The following EPB41L5 variants were observed in gnomAD, a reference collection of about 807,000 sequenced individuals.
The protein encoded by EPB41L5 is band 4.1-like protein 5.
EPB41L5 carries 55 observed loss-of-function variants against 106.6 expected under a neutral mutation model. The observed-to-expected ratio is 0.52, with a 90% CI of 0.42 to 0.65. The LOEUF (loss-of-function observed/expected upper bound fraction) is 0.65, where lower values mean the gene tolerates loss of function less well. Among genes scored for constraint, EPB41L5 ranks in the 30% least tolerant of loss-of-function variants. The probability of loss-of-function intolerance (pLI) is 0.00; values close to 1 mark genes in which losing one functional copy is unlikely to be tolerated. For synonymous variants in EPB41L5, 297 were observed against 306.7 expected, an observed-to-expected ratio of 0.97 and a Z score of 0.33; for missense variants, 871 against 882.1, an observed-to-expected ratio of 0.99 and a Z score of 0.16.
At chr2:120,112,461 T>C (rs943177404) in intron 16 of EPB41L5, among the ~76,000 whole-genome samples, 1 of 152,362 alleles carries the variant, frequency 6.6e-6, no homozygotes, top group East Asian at 1.9e-4. Context: ...TGTTCTTGGC[T>C]TCAAGAAATT....
At chr2:120,017,448 A>G (rs1020107515) in intron 1 of EPB41L5, among the ~76,000 whole-genome samples, 5 of 152,188 alleles carry the variant, frequency 3.3e-5, no homozygotes, top group African/African-American at 4.8e-5. Context: ...TTTGGAATTA[A>G]TAGTCTTTTT....
chr2:120,041,982 T>G (rs1679434584), intron 2 of EPB41L5, 24 bp from the exon 3 acceptor site: 1 of 1,549,730 alleles, frequency 6.5e-7, no homozygotes, highest in South Asian at 1.1e-5. Flanking sequence ...ACTTATTGAT[T>G]TACTTATTAT....
chr2:120,089,311 A>G lies in EPB41L5; in HGVS notation c.874-1036A>G, dbSNP rs907869597. On this transcript the variant is annotated intron_variant, in intron 11 of 24. Coordinates refer to ENST00000263713, the MANE Select transcript of EPB41L5 (RefSeq NM_020909.4). ...TGTGCATGAATAAATAATACCAACT[A>G]AAGTCTAACCCCCTGACTACCTACC... Among the ~76,000 whole-genome samples, 5 of 152,196 alleles carry G rather than the reference A, an allele frequency of 3.3e-5. 1 individual carries two copies. Among genetic ancestry groups the G allele is most frequent in the Admixed American group, 3.3e-4 (5 of 15,280 alleles).
intron 3 of EPB41L5, among the ~76,000 whole-genome samples, chr2:120,054,865 C>CTT (rs34163490): frequency 6.9e-5 from 9 of 129,780 alleles, no homozygotes; most frequent in African/African-American, 1.4e-4. Context: ...CATATATACA[C>CTT]TTTTTTTTTT....
chr2:120,020,785 G>A (rs1677866794), intron 2 of EPB41L5, among the ~76,000 whole-genome samples: 1 of 150,862 alleles, frequency 6.6e-6, no homozygotes, highest in Non-Finnish European at 1.5e-5. Context: ...GTTGTTGATG[G>A]ACAAGCTGAT....
intron 24 of EPB41L5, among the ~76,000 whole-genome samples, chr2:120,172,205 A>C (rs1687708893): frequency 6.6e-6 from 1 of 152,196 alleles, no homozygotes; most frequent in Non-Finnish European, 1.5e-5. Flanking sequence ...AGATCTAGAA[A>C]GATTACAGTC....
Position 120,163,792 on chromosome 2 carries a change from T to TA in EPB41L5, c.1888-1034dup, listed in dbSNP as rs1047695971. On this transcript the variant is annotated intron_variant, in intron 21 of 24. Transcript: ENST00000263713. ...CAACATAAGTGAGACCCTGTCTCTA[T>TA]AAAAAAAAAATTGGCTGGGCATGGT... 1.5e-3 allele frequency among the ~76,000 whole-genome samples: 214 copies of TA among 145,902 alleles called. 2 individuals carry two copies. The East Asian group carries it at 0.022, about 15-fold the overall frequency.
At chr2:120,116,927 A>T (rs1224052426) in intron 16 of EPB41L5, among the ~76,000 whole-genome samples, 1 of 152,230 alleles carries the variant, frequency 6.6e-6, no homozygotes, top group African/African-American at 2.4e-5. Context: ...TTTGCGTAAT[A>T]TAAAAATCCA....
intron 16 of EPB41L5, among the ~76,000 whole-genome samples, chr2:120,110,160 C>G (rs904653848): frequency 6.6e-6 from 1 of 152,192 alleles, no homozygotes; most frequent in Non-Finnish European, 1.5e-5. Flanking sequence ...ATCCCACAGT[C>G]CATCTTTTAG....
chr2:120,042,994 AATGT>A (rs1250246484), intron 3 of EPB41L5, among the ~76,000 whole-genome samples: 3 of 71,120 alleles, frequency 4.2e-5, no homozygotes, highest in African/African-American at 1.7e-4. Flanking sequence ...TTTTTCTGGA[AATGT>A]GTGTGTGTGT....
intron 2 of EPB41L5, among the ~76,000 whole-genome samples, chr2:120,021,513 C>T (rs1324826199): frequency 2.0e-5 from 3 of 151,906 alleles, no homozygotes; most frequent in South Asian, 2.1e-4. Flanking sequence ...TGGTGGCGGA[C>T]GCCTGTAATC....
chr2:120,065,426 A>G (rs1338114341), intron 3 of EPB41L5, among the ~76,000 whole-genome samples: 3 of 152,082 alleles, frequency 2.0e-5, no homozygotes, highest in Non-Finnish European at 4.4e-5. Context: ...AAGTTAGACT[A>G]GAAAGGTATA....
chr2:120,154,535 G>A (rs1686822269), intron 20 of EPB41L5, among the ~76,000 whole-genome samples: 1 of 151,986 alleles, frequency 6.6e-6, no homozygotes, highest in South Asian at 2.1e-4. Context: ...ATACAGCCTA[G>A]TTTGAATTAA....
chr2:120,094,713 CA>C (rs1683629758), intron 14 of EPB41L5, among the ~76,000 whole-genome samples: 1 of 152,182 alleles, frequency 6.6e-6, no homozygotes, highest in African/African-American at 2.4e-5. Flanking sequence ...AATTTCCTTT[CA>C]AGCACTGCTT....
At chr2:120,105,337 A>G (rs573202111) in intron 16 of EPB41L5, 75 of 965,634 alleles carry the variant, frequency 7.8e-5, no homozygotes, top group Admixed American at 1.8e-4. Flanking sequence ...TAGATATTTT[A>G]TATTTCGAAG....
intron 16 of EPB41L5, chr2:120,103,948 G>C: frequency 8.1e-7 from 1 of 1,233,930 alleles, no homozygotes; most frequent in Non-Finnish European, 1.1e-6. Flanking sequence ...ACTACTCATA[G>C]CAGCAGTGCA....
At chr2:120,103,573 T>A (rs1684272696) in intron 16 of EPB41L5, among the ~76,000 whole-genome samples, 1 of 152,216 alleles carries the variant, frequency 6.6e-6, no homozygotes, top group African/African-American at 2.4e-5. Context: ...GAATTTTGTT[T>A]CCTGCATTTC....
chr2:120,167,031 C>T (rs1461496055), intron 22 of EPB41L5, among the ~76,000 whole-genome samples: 1 of 152,168 alleles, frequency 6.6e-6, no homozygotes, highest in Non-Finnish European at 1.5e-5. Context: ...GATTATTTTT[C>T]TGTGTACTTT....
chr2:120,144,188 AG>A (rs1686301817), intron 19 of EPB41L5, among the ~76,000 whole-genome samples: 1 of 152,158 alleles, frequency 6.6e-6, no homozygotes, highest in African/African-American at 2.4e-5. Context: ...GGCCTTTGGT[AG>A]AGCCCCCAAG....
Sources: gnomAD v4.1 joint callset for allele counts (sites outside exome capture counted in the v4.1 genomes callset) on GRCh38, gnomAD v4.1.1 for gene constraint, MANE v1.5 for transcripts, NCBI Gene and HGNC (gene_info 2026-07-23, HGNC 2026-07-21) for gene names.